The following PTPN12 variants were observed in gnomAD, a reference collection of about 807,000 sequenced individuals.
PTPN12 encodes tyrosine-protein phosphatase non-receptor type 12.
In PTPN12, 29 loss-of-function variants were observed where a neutral mutation model predicts 97.6. The ratio of observed to expected loss-of-function variants is 0.30; its 90% CI spans 0.22 to 0.41. PTPN12 has a LOEUF of 0.41. Among genes scored for constraint, PTPN12 ranks in the 10% least tolerant of loss-of-function variants. The pLI, the probability that PTPN12 is intolerant of heterozygous loss-of-function variation, is 1.00. For synonymous variants in PTPN12, 327 were observed against 300.4 expected (o/e 1.09, Z -0.91); for missense variants, 819 against 926.0 (o/e 0.88, Z 1.50).
intron 16 of PTPN12, 89 bp from the exon 17 acceptor site, chr7:77,638,535 T>A (rs1409639984): frequency 2.2e-6 from 3 of 1,360,076 alleles, no homozygotes; most frequent in East Asian, 5.6e-5. Context: ...TCTCTTTTCA[T>A]GCTTGCCAAC....
At chr7:77,585,340 T>G in intron 4 of PTPN12, 1 of 442,468 alleles carries the variant, frequency 2.3e-6, no homozygotes, top group Non-Finnish European at 4.0e-6. Flanking sequence ...ACCAATTTAA[T>G]TTGTTGCTGT....
At chr7:77,559,240 G>T (rs547858687) in intron 1 of PTPN12, among the ~76,000 whole-genome samples, 3 of 152,334 alleles carry the variant, frequency 2.0e-5, no homozygotes, top group African/African-American at 7.2e-5. Context: ...TTCATTAGAA[G>T]AGGATTTTTG....
chr7:77,614,153 G>A (rs1198662490), intron 11 of PTPN12, among the ~76,000 whole-genome samples: 2 of 152,112 alleles, frequency 1.3e-5, no homozygotes, highest in Non-Finnish European at 2.9e-5. Flanking sequence ...CCAAAGCACT[G>A]AGATTACAGG....
In PTPN12 at chr7:77,592,233, T is replaced by C. The variant is rs1433927312; in HGVS notation, c.469T>C (p.Phe157Leu). ...WPLYGEDPIT[F>L]APFKISCEDE... ...TTTGTATGGAGAAGACCCCATAACG[T>C]TTGCACCATTTAAAATTTCTTGTGT... Residue 157 changes from phenylalanine to leucine, a missense_variant, in exon 6 of 18, where the codon TTT becomes CTT. Around this residue, in one of 5 missense-constraint regions of PTPN12, gnomAD observed 45 missense variants for 52.0 expected, o/e 0.87. Transcript: ENST00000248594. The C allele has an allele frequency of 2.5e-6, 4 of 1,608,146 alleles. No homozygotes were observed. The Admixed American group carries it at 6.8e-5, about 27-fold the overall frequency.
chr7:77,600,188 T>G (rs192662419), intron 7 of PTPN12, among the ~76,000 whole-genome samples: 75 of 152,304 alleles, frequency 4.9e-4, no homozygotes, highest in African/African-American at 1.8e-3. Flanking sequence ...CTCCATTCTT[T>G]TTCAGTTTAA....
intron 1 of PTPN12, among the ~76,000 whole-genome samples, chr7:77,543,878 T>G (rs1403302308): frequency 6.6e-6 from 1 of 152,222 alleles, no homozygotes; most frequent in African/African-American, 2.4e-5. Flanking sequence ...TAATATTCTA[T>G]TGTATAGATA....
In PTPN12 at chr7:77,569,358, T is replaced by C. The variant is rs921527448; in HGVS notation, c.100-1720T>C. 3.3e-5 allele frequency among the ~76,000 whole-genome samples: 5 copies of C among 152,338 alleles called. 1 individual carries two copies. Among genetic ancestry groups the C allele is most frequent in the African/African-American group, 1.2e-4 (5 of 41,576 alleles). ...TTTTTCAGATACTGTCATCTTACTA[T>C]ATATAAAAAGCTAACTCATTTGTTT... On this transcript the variant is annotated intron_variant, in intron 1 of 17. Coordinates refer to ENST00000248594, the MANE Select transcript of PTPN12 (RefSeq NM_002835.4).
intron 1 of PTPN12, among the ~76,000 whole-genome samples, chr7:77,541,881 A>T (rs1238587086): frequency 6.6e-6 from 1 of 152,202 alleles, no homozygotes. Context: ...TTTTGCTAAT[A>T]AATTAGCAAA....
At chr7:77,631,688 A>G (rs1789402834) in intron 13 of PTPN12, among the ~76,000 whole-genome samples, 1 of 152,240 alleles carries the variant, frequency 6.6e-6, no homozygotes, top group Non-Finnish European at 1.5e-5. Context: ...ACCTGTATAT[A>G]GCTTCAGTCA....
In PTPN12 at chr7:77,571,169, A is replaced by G; in HGVS notation, c.191A>G (p.Tyr64Cys). ...EKEENVKKNR[Y>C]KDILPFDHSR... is the part of the protein sequence containing the mutation. The stretch of plus-strand genomic sequence containing the variant: ...GAAGAAAATGTTAAAAAGAACAGAT[A>G]CAAGGACATACTGCCATGTAAGTTG... The change falls in exon 2 of 18, where the codon TAC becomes TGC. Residue 64 changes from tyrosine (Y) to cysteine (C), a missense_variant. By Grantham distance (194) the Tyr-to-Cys change is radical. Coordinates refer to ENST00000248594, the MANE Select transcript of PTPN12 (RefSeq NM_002835.4). The G allele has an allele frequency of 6.3e-7, 1 of 1,594,308 alleles. No individual in the cohort carries two copies. The highest frequency in any genetic ancestry group is 8.6e-7 in the Non-Finnish European group (1 of 1,166,926).
intron 2 of PTPN12, among the ~76,000 whole-genome samples, chr7:77,572,080 C>T (rs565992061): frequency 6.8e-6 from 1 of 146,028 alleles, no homozygotes; most frequent in Admixed American, 7.1e-5. Context: ...TCTAAAATGC[C>T]TTTAAAGTTC....
chr7:77,627,352 T>C lies in PTPN12; in HGVS notation c.1673T>C (p.Ile558Thr), dbSNP rs144996630. The C allele has an allele frequency of 3.7e-5, 60 of 1,613,916 alleles. No homozygotes were observed. Among genetic ancestry groups the C allele is most frequent in the Middle Eastern group, 1.6e-4 (1 of 6,082 alleles). ...PDLSEGNSSDINYQTRKTVSL... is the reference protein window; with the variant it reads ...PDLSEGNSSDTNYQTRKTVSL... The stretch of plus-strand genomic sequence containing the variant: ...TTATCTGAAGGCAATTCCTCAGATA[T>C]CAACTATCAAACTAGGAAAACTGTG... Residue 558 changes from isoleucine to threonine, a missense_variant, in exon 13 of 18, where the codon ATC (isoleucine) becomes ACC (threonine). Coordinates refer to ENST00000248594, the MANE Select transcript of PTPN12 (RefSeq NM_002835.4).
chr7:77,539,908 A>G (rs1479801020), intron 1 of PTPN12, among the ~76,000 whole-genome samples: 2 of 152,242 alleles, frequency 1.3e-5, no homozygotes, highest in East Asian at 3.9e-4. Context: ...CGAACTCCTC[A>G]TCTCAAGTGA....
chr7:77,568,840 G>T (rs888184068), intron 1 of PTPN12, among the ~76,000 whole-genome samples: 21 of 151,938 alleles, frequency 1.4e-4, no homozygotes, highest in African/African-American at 4.1e-4. Context: ...CTCTAAGTCA[G>T]ATTCAAAATA....
intron 3 of PTPN12, among the ~76,000 whole-genome samples, chr7:77,582,745 A>G (rs555123895): frequency 4.0e-5 from 6 of 150,906 alleles, no homozygotes; most frequent in South Asian, 2.1e-4. Flanking sequence ...GATCGTGCCA[A>G]TGCACTCCAG....
chr7:77,636,569 G>A (rs1789600721), intron 15 of PTPN12, among the ~76,000 whole-genome samples: 1 of 152,124 alleles, frequency 6.6e-6, no homozygotes, highest in African/African-American at 2.4e-5. Flanking sequence ...GTGACAGAGT[G>A]AGACCCTGTC....
chr7:77,538,557 A>G (rs1350775859), intron 1 of PTPN12, among the ~76,000 whole-genome samples: 1 of 150,684 alleles, frequency 6.6e-6, no homozygotes, highest in Non-Finnish European at 1.5e-5. Context: ...GCCACCCCCT[A>G]CTTTCCGCCC....
chr7:77,611,637 G>C (rs929961942), intron 11 of PTPN12, among the ~76,000 whole-genome samples: 2 of 152,156 alleles, frequency 1.3e-5, no homozygotes, highest in Non-Finnish European at 2.9e-5. Context: ...TAGAGACGGA[G>C]TTTCGCCATG....
intron 12 of PTPN12, among the ~76,000 whole-genome samples, chr7:77,625,500 TCTCTCTCTCTCTCTCTCTCTCTCA>T (rs1412217739): frequency 9.4e-6 from 1 of 106,022 alleles, no homozygotes; most frequent in Admixed American, 1.0e-4. Flanking sequence ...TCTCTCTCTC[TCTCTCTCTCTCTCTCTCTCTCTCA>T]CTCTCACTCT....
Sources: gnomAD v4.1 joint callset for allele counts (sites outside exome capture counted in the v4.1 genomes callset) on GRCh38, gnomAD v4.1.1 for gene constraint, gnomAD v4.1.1 regional missense constraint, MANE v1.5 for transcripts, NCBI Gene and HGNC (gene_info 2026-07-23, HGNC 2026-07-21) for gene names.